Variants in KIAA1549L observed in about 807,000 individuals in gnomAD.
The protein encoded by KIAA1549L is KIAA1549 like.
KIAA1549L carries 88 observed loss-of-function variants against 160.7 expected under a neutral mutation model. That is an observed-to-expected ratio of 0.55 (90% CI 0.46 to 0.65). KIAA1549L has a LOEUF of 0.65. Among genes scored for constraint, KIAA1549L ranks in the 30% least tolerant of loss-of-function variants. The pLI, the probability that KIAA1549L is intolerant of heterozygous loss-of-function variation, is 0.00. For synonymous variants in KIAA1549L, 950 were observed against 976.7 expected (o/e 0.97, Z 0.51); for missense variants, 2,258 against 2,437.5 (o/e 0.93, Z 1.55).
At chr11:33,466,448 C>T (rs992833612) in intron 1 of KIAA1549L, among the ~76,000 whole-genome samples, 10 of 152,160 alleles carry the variant, frequency 6.6e-5, no homozygotes, top group African/African-American at 2.4e-4. Context: ...GAATGGCGAT[C>T]ATTAAAAAGT....
At chr11:33,432,615 G>A (rs1851272832) in intron 1 of KIAA1549L, among the ~76,000 whole-genome samples, 1 of 151,992 alleles carries the variant, frequency 6.6e-6, no homozygotes, top group African/African-American at 2.4e-5. Context: ...AAAAATATGG[G>A]CATTCTTCAA....
chr11:33,622,924 C>T (rs1268023988), intron 16 of KIAA1549L, among the ~76,000 whole-genome samples: 1 of 152,126 alleles, frequency 6.6e-6, no homozygotes, highest in African/African-American at 2.4e-5. Context: ...TGACAGTGCA[C>T]CCAGCTTCCT....
At chr11:33,521,641 G>C (rs1224332577) in intron 1 of KIAA1549L, among the ~76,000 whole-genome samples, 1 of 152,180 alleles carries the variant, frequency 6.6e-6, no homozygotes, top group Non-Finnish European at 1.5e-5. Context: ...GGTAGTGGCA[G>C]ACACACGTGG....
chr11:33,538,239 C>T (rs1188463351), intron 1 of KIAA1549L, among the ~76,000 whole-genome samples: 1 of 152,150 alleles, frequency 6.6e-6, no homozygotes, highest in Non-Finnish European at 1.5e-5. Flanking sequence ...TCAATAACCT[C>T]GACCTGGTCT....
At chr11:33,490,970 C>T (rs1852644609) in intron 1 of KIAA1549L, among the ~76,000 whole-genome samples, 1 of 152,230 alleles carries the variant, frequency 6.6e-6, no homozygotes, top group South Asian at 2.1e-4. Context: ...TAGAATCAGC[C>T]TGTTCATGCC....
chr11:33,506,713 TAAA>T, intron 1 of KIAA1549L, among the ~76,000 whole-genome samples: 1 of 110,554 alleles, frequency 9.0e-6, no homozygotes, highest in African/African-American at 3.9e-5. Context: ...AACACCTTGC[TAAA>T]AAAAAAAAAA....
rs1359434280 is a variant in KIAA1549L, at chr11:33,669,443, T to TACTG, written c.*1293_*1296dup. ...TACCCATCAATGCAAGCAAAACAGCTACTGACTTTGTGTAGCAGGGAGATT... is the reference window on the plus strand; with the variant it reads ...TACCCATCAATGCAAGCAAAACAGCTACTGACTGACTTTGTGTAGCAGGGAGATT... On this transcript the variant is annotated 3_prime_UTR_variant, in exon 21 of 21. Coordinates refer to ENST00000658780, the MANE Select transcript of KIAA1549L (RefSeq NM_012194.3). The TACTG allele has an allele frequency of 6.6e-6, 1 of 152,220 alleles. No homozygotes were observed. 9.4% of individuals were successfully genotyped at this position (152,220 alleles called of 1,614,324 possible).
At chr11:33,624,197 A>G (rs941125195) in intron 16 of KIAA1549L, among the ~76,000 whole-genome samples, 2 of 152,164 alleles carry the variant, frequency 1.3e-5, no homozygotes, top group African/African-American at 4.8e-5. Flanking sequence ...AGCTGTGCAT[A>G]TGTACTCTAG....
Position 33,599,886 on chromosome 11 carries a change from C to T in KIAA1549L, c.4879+939C>T, listed in dbSNP as rs550634325. On this transcript the variant is annotated intron_variant, in intron 13 of 20. Coordinates refer to ENST00000658780, the MANE Select transcript of KIAA1549L (RefSeq NM_012194.3). ...AGAAATGCCAGGTGAAAAGCTAAAC[C>T]CTCTAGCACCCTGCTTAGCTGCACT... Among the ~76,000 whole-genome samples the T allele has an allele frequency of 2.6e-5, 4 of 152,314 alleles. No homozygotes were observed. The South Asian group carries it at 8.3e-4, about 32-fold the overall frequency.
chr11:33,650,524 C>T (rs180786051), intron 17 of KIAA1549L, among the ~76,000 whole-genome samples: 3 of 152,220 alleles, frequency 2.0e-5, no homozygotes, highest in Admixed American at 2.0e-4. Flanking sequence ...AGTATCTGGT[C>T]CCTGTTTGTC....
intron 1 of KIAA1549L, among the ~76,000 whole-genome samples, chr11:33,386,131 G>A (rs1281660446): frequency 6.6e-6 from 1 of 152,192 alleles, no homozygotes; most frequent in Admixed American, 6.5e-5. Flanking sequence ...TAGAAATAGG[G>A]AGAGTGGACA....
chr11:33,398,353 TG>T (rs1225382042), intron 1 of KIAA1549L, among the ~76,000 whole-genome samples: 1 of 151,794 alleles, frequency 6.6e-6, no homozygotes, highest in Non-Finnish European at 1.5e-5. Flanking sequence ...ATAACCAGTC[TG>T]GGGTAAGCTG....
At chr11:33,585,882 ATG>A (rs747247158) in intron 11 of KIAA1549L, among the ~76,000 whole-genome samples, 1 of 152,162 alleles carries the variant, frequency 6.6e-6, no homozygotes, top group Non-Finnish European at 1.5e-5. Flanking sequence ...AAGCAAATTT[ATG>A]TTCCATGAGT....
At chr11:33,385,273 C>T (rs1212335767) in intron 1 of KIAA1549L, among the ~76,000 whole-genome samples, 1 of 152,174 alleles carries the variant, frequency 6.6e-6, no homozygotes, top group Non-Finnish European at 1.5e-5. Context: ...TATTTCTAGT[C>T]TGTTCTATTG....
chr11:33,466,179 C>A (rs1057196542), intron 1 of KIAA1549L, among the ~76,000 whole-genome samples: 1 of 151,984 alleles, frequency 6.6e-6, no homozygotes, highest in Non-Finnish European at 1.5e-5. Context: ...TCAGAGTGAA[C>A]AGGCAACCTA....
intron 1 of KIAA1549L, among the ~76,000 whole-genome samples, chr11:33,463,892 GTTTCCATAGTTTTTCCCTCGTGCTGTA>G (rs1266529148): frequency 1.3e-5 from 2 of 152,166 alleles, no homozygotes; most frequent in African/African-American, 4.8e-5. Flanking sequence ...TAGAATCTCT[GTTTCCATAGTTTTTCCCTCGTGCTGTA>G]TTTCTGGAGC....
chr11:33,621,333 A>G (rs1850953201), intron 16 of KIAA1549L, among the ~76,000 whole-genome samples: 1 of 152,162 alleles, frequency 6.6e-6, no homozygotes, highest in Non-Finnish European at 1.5e-5. Context: ...TACAGCAACA[A>G]TCTTCAACCT....
chr11:33,571,305 GAGAAA>G (rs995969367), intron 9 of KIAA1549L, among the ~76,000 whole-genome samples: 11 of 151,294 alleles, frequency 7.3e-5, no homozygotes, highest in Non-Finnish European at 1.0e-4. Context: ...TGTCTCAAAA[GAGAAA>G]AGAAAAGAAA....
At chr11:33,491,256 G>T (rs1368570060) in intron 1 of KIAA1549L, among the ~76,000 whole-genome samples, 2 of 152,182 alleles carry the variant, frequency 1.3e-5, no homozygotes, top group Non-Finnish European at 2.9e-5. Context: ...CATGTGTAGG[G>T]TGGTATGTGA....
Sources: gnomAD v4.1 joint callset for allele counts (sites outside exome capture counted in the v4.1 genomes callset) on GRCh38, gnomAD v4.1.1 for gene constraint, MANE v1.5 for transcripts, NCBI Gene and HGNC (gene_info 2026-07-23, HGNC 2026-07-21) for gene names.